The following CYP3A7 variants were observed in gnomAD, a reference collection of about 807,000 sequenced individuals.
The protein encoded by CYP3A7 is cytochrome P450 3A7.
In CYP3A7, 45 loss-of-function variants were observed where a neutral mutation model predicts 55.2. The observed-to-expected ratio is 0.82, with a 90% CI of 0.64 to 1.05. The LOEUF is 1.05. Ranked by LOEUF, CYP3A7 falls within the 50% of genes least tolerant of loss-of-function variation. The pLI is 0.00. For missense variants in CYP3A7, 548 were observed against 605.3 expected, an observed-to-expected ratio of 0.91 and a Z score of 0.99; for synonymous variants, 180 against 207.4, an observed-to-expected ratio of 0.87 and a Z score of 1.13.
intron 2 of CYP3A7, among the ~76,000 whole-genome samples, chr7:99,723,778 C>A (rs1814301606): frequency 6.6e-6 from 1 of 152,148 alleles, no homozygotes; most frequent in African/African-American, 2.4e-5. Context: ...TCAATCTCTC[C>A]CTTCCTTAAT....
intron 2 of CYP3A7, among the ~76,000 whole-genome samples, chr7:99,724,913 C>T (rs142410105): frequency 6.6e-5 from 10 of 152,154 alleles, no homozygotes; most frequent in African/African-American, 2.4e-4. Flanking sequence ...GACCTCCCCC[C>T]TCTCCCCAGA....
rs746773235 is a variant in CYP3A7 at position 99,710,795 on chromosome 7, C to T, written c.963G>A (p.Leu321=). ...SSVLSFIIYE[L]ATHPDVQQKV... is the part of the protein sequence containing the mutation. ...TCTGCTGGACATCAGGGTGAGTGGC[C>T]AGTTCATATATAATGAAGGAGAGAA... The change falls in exon 10 of 13, where the codon CTG becomes CTA. Residue 321 remains leucine, a synonymous_variant. Transcript: ENST00000336374. The T allele has an allele frequency of 6.8e-6, 11 of 1,613,680 alleles. No individual in the cohort carries two copies. In the South Asian group the frequency reaches 1.2e-4, roughly 18 times the overall value.
chr7:99,730,614 A>G (rs779635371), intron 2 of CYP3A7: 3 of 182,692 alleles, frequency 1.6e-5, no homozygotes, highest in Non-Finnish European at 1.2e-5. Context: ...GCTGTGCAGG[A>G]GGAAGGGAAA....
At chr7:99,733,464 G>A (rs758899054) in intron 1 of CYP3A7, among the ~76,000 whole-genome samples, 58 of 152,178 alleles carry the variant, frequency 3.8e-4, no homozygotes, top group Non-Finnish European at 7.8e-4. Context: ...TCTATTGCAT[G>A]TAATTGTATA....
At chr7:99,726,492 A>T (rs1282054723) in intron 2 of CYP3A7, among the ~76,000 whole-genome samples, 1 of 151,808 alleles carries the variant, frequency 6.6e-6, no homozygotes, top group Non-Finnish European at 1.5e-5. Flanking sequence ...TCCCTCCACA[A>T]CTCACTATTC....
chr7:99,723,161 T>C (rs1399872793), intron 2 of CYP3A7, among the ~76,000 whole-genome samples: 8 of 152,158 alleles, frequency 5.3e-5, no homozygotes, highest in Non-Finnish European at 5.9e-5. Flanking sequence ...TCAGGCCTCT[T>C]AGCCCAAGCC....
chr7:99,714,599 A>T lies in CYP3A7; in HGVS notation c.754T>A (p.Ser252Thr), dbSNP rs369002490. ...CGACCTTCTTTTATCTGTTTTACAGATTTTGTTAGAAAACTTATAACTTTT... is the reference window on the plus strand; with the variant it reads ...CGACCTTCTTTTATCTGTTTTACAGTTTTTGTTAGAAAACTTATAACTTTT... ...PRKVISFLTK[S>T]VKQIKEGRLK... Residue 252 changes from serine (S) to threonine (T), a missense_variant, in exon 8 of 13, where the codon TCT becomes ACT. Transcript: ENST00000336374. The T allele has an allele frequency of 4.6e-5, 74 of 1,612,226 alleles. No individual in the cohort carries two copies. The highest frequency in any genetic ancestry group is 5.9e-5 in the Non-Finnish European group (70 of 1,179,076).
chr7:99,724,719 T>C (rs2687140), intron 2 of CYP3A7, among the ~76,000 whole-genome samples: 115,911 of 152,068 alleles, frequency 0.76, 47,138 homozygotes, highest in Non-Finnish European at 0.91. Flanking sequence ...CCAACAATTT[T>C]CTCTTAGTCA....
In CYP3A7 at chr7:99,709,134, C is replaced by G; in HGVS notation, c.1154G>C (p.Gly385Ala). The G allele has an allele frequency of 6.2e-7, 1 of 1,613,972 alleles. No individual in the cohort carries two copies. The highest frequency in any genetic ancestry group is 8.5e-7 in the Non-Finnish European group (1 of 1,179,932). The change falls in exon 11 of 13, where the codon GGG (glycine) becomes GCG (alanine). Residue 385 changes from glycine (G) to alanine (A), a missense_variant. Coordinates refer to ENST00000336374, the MANE Select transcript of CYP3A7 (RefSeq NM_000765.5). ...RVCKKDVEIN[G>A]MFIPKGVVVM... Reference sequence around the variant, plus strand: ...CACCACCCCTTTGGGAATAAACATCCCATTGATTTCAACATCTTTTTTGCA... The same window carrying G: ...CACCACCCCTTTGGGAATAAACATCGCATTGATTTCAACATCTTTTTTGCA...
chr7:99,708,635 C>G (rs1813617121), intron 11 of CYP3A7, among the ~76,000 whole-genome samples: 1 of 152,090 alleles, frequency 6.6e-6, no homozygotes, highest in African/African-American at 2.4e-5. Flanking sequence ...GTTGCACTAA[C>G]CTATAAATTC....
At chr7:99,729,819 A>G (rs1054415513) in intron 2 of CYP3A7, among the ~76,000 whole-genome samples, 5 of 151,912 alleles carry the variant, frequency 3.3e-5, no homozygotes, top group Non-Finnish European at 4.4e-5. Context: ...CCCCACCCCT[A>G]TCTCCCCTTG....
intron 2 of CYP3A7, among the ~76,000 whole-genome samples, chr7:99,724,596 C>T (rs1450544680): frequency 6.6e-6 from 1 of 152,022 alleles, no homozygotes; most frequent in Non-Finnish European, 1.5e-5. Context: ...CAAGCCAGGT[C>T]CCAATTCTTC....
At chr7:99,711,844 A>G (rs1275442907) in intron 9 of CYP3A7, among the ~76,000 whole-genome samples, 3 of 152,188 alleles carry the variant, frequency 2.0e-5, no homozygotes, top group Non-Finnish European at 2.9e-5. Flanking sequence ...TGAACTACTG[A>G]TTCAAGTCTG....
chr7:99,729,793 C>A (rs761959339), intron 2 of CYP3A7, among the ~76,000 whole-genome samples: 1 of 152,246 alleles, frequency 6.6e-6, no homozygotes, highest in Non-Finnish European at 1.5e-5. Context: ...CTGCTTACCC[C>A]ACTCCTATAA....
chr7:99,724,677 T>C (rs951515912), intron 2 of CYP3A7, among the ~76,000 whole-genome samples: 5 of 152,022 alleles, frequency 3.3e-5, no homozygotes, highest in African/African-American at 1.2e-4. Flanking sequence ...CACCTTACAG[T>C]TTCATTCCGA....
At chr7:99,732,490 A>C (rs913807888) in intron 1 of CYP3A7, among the ~76,000 whole-genome samples, 6 of 152,066 alleles carry the variant, frequency 3.9e-5, no homozygotes. Context: ...TTGCGTCTGC[A>C]CATCAACTGT....
intron 2 of CYP3A7, among the ~76,000 whole-genome samples, chr7:99,723,570 A>G (rs1393471312): frequency 2.0e-5 from 3 of 152,086 alleles, no homozygotes; most frequent in East Asian, 3.9e-4. Flanking sequence ...ATGGACGCAA[A>G]TGACATTTGG....
At chr7:99,724,556 C>T (rs1814332359) in intron 2 of CYP3A7, among the ~76,000 whole-genome samples, 2 of 151,998 alleles carry the variant, frequency 1.3e-5, no homozygotes, top group Admixed American at 1.3e-4. Context: ...CTGACCTCTC[C>T]CCTCCCCACC....
intron 5 of CYP3A7, 54 bp from the exon 6 acceptor site, chr7:99,717,319 G>A: frequency 6.2e-7 from 1 of 1,613,278 alleles, no homozygotes; most frequent in Non-Finnish European, 8.5e-7. Flanking sequence ...ATAAGTCCCA[G>A]AAGGACATGA....
Sources: gnomAD v4.1 joint callset for allele counts (sites outside exome capture counted in the v4.1 genomes callset) on GRCh38, gnomAD v4.1.1 for gene constraint, MANE v1.5 for transcripts, NCBI Gene and HGNC (gene_info 2026-07-23, HGNC 2026-07-21) for gene names.